The following ABTB3 variants were observed in gnomAD, a reference collection of about 807,000 sequenced individuals.
The protein encoded by ABTB3 is ankyrin repeat- and BTB/POZ domain-containing protein 3.
At chr12:107,425,739 G>T in the ABTB3 span, among the ~76,000 whole-genome samples, 1 of 152,104 alleles carries the variant, frequency 6.6e-6, no homozygotes, top group Non-Finnish European at 1.5e-5. Flanking sequence ...TTATTTCCAT[G>T]CCTGTGAACC....
At chr12:107,498,973 T>G in the ABTB3 span, among the ~76,000 whole-genome samples, 1 of 152,214 alleles carries the variant, frequency 6.6e-6, no homozygotes, top group African/African-American at 2.4e-5. Context: ...GAAATTGAGT[T>G]AAACCAAGTC....
At chr12:107,385,772 C>T in the ABTB3 span, among the ~76,000 whole-genome samples, 1 of 152,180 alleles carries the variant, frequency 6.6e-6, no homozygotes, top group African/African-American at 2.4e-5. Flanking sequence ...TCAAGTTGGG[C>T]AGTCTTATGA....
At chr12:107,647,635 G>A in the ABTB3 span, among the ~76,000 whole-genome samples, 213 of 152,354 alleles carry the variant, frequency 1.4e-3, 1 homozygote, top group African/African-American at 4.7e-3. Context: ...AGAACAAGGC[G>A]GCATGTAGCA....
chr12:107,484,259 T>C, the ABTB3 span, among the ~76,000 whole-genome samples: 1 of 152,214 alleles, frequency 6.6e-6, no homozygotes, highest in Admixed American at 6.5e-5. Flanking sequence ...GGGCCAAAGC[T>C]GCAGCTTCAA....
At chr12:107,504,953 A>AT in the ABTB3 span, among the ~76,000 whole-genome samples, 4 of 152,114 alleles carry the variant, frequency 2.6e-5, no homozygotes, top group African/African-American at 9.7e-5. Flanking sequence ...AGTAATCTTT[A>AT]TTTTTTACCA....
the ABTB3 span, among the ~76,000 whole-genome samples, chr12:107,461,193 C>A: frequency 1.3e-5 from 2 of 152,094 alleles, no homozygotes; most frequent in South Asian, 4.1e-4. Context: ...GGCGAACCCA[C>A]CCCCATGATA....
chr12:107,535,355 C>T, the ABTB3 span, among the ~76,000 whole-genome samples: 2 of 152,024 alleles, frequency 1.3e-5, no homozygotes, highest in African/African-American at 2.4e-5. Context: ...AAGCCTTTGC[C>T]CTAAGAAATG....
chr12:107,572,858 AC>A, the ABTB3 span, among the ~76,000 whole-genome samples: 3 of 152,104 alleles, frequency 2.0e-5, no homozygotes, highest in Admixed American at 1.3e-4. Flanking sequence ...CTCTGCCTAG[AC>A]CTGCCTGTCC....
chr12:107,501,381 C>T, the ABTB3 span, among the ~76,000 whole-genome samples: 1 of 97,382 alleles, frequency 1.0e-5, no homozygotes, highest in Non-Finnish European at 2.1e-5. Flanking sequence ...TAGAGATGCT[C>T]CCAGTAAAAA....
the ABTB3 span, among the ~76,000 whole-genome samples, chr12:107,424,956 C>G: frequency 6.6e-6 from 1 of 152,208 alleles, no homozygotes; most frequent in Non-Finnish European, 1.5e-5. Context: ...GGCCCTGTCC[C>G]TCCTAGTAGC....
At chr12:107,591,953 C>T in the ABTB3 span, among the ~76,000 whole-genome samples, 4 of 152,290 alleles carry the variant, frequency 2.6e-5, no homozygotes, top group South Asian at 4.1e-4. Context: ...CCAAAGCCTA[C>T]GTTCTCTCTA....
chr12:107,360,935 T>C, the ABTB3 span, among the ~76,000 whole-genome samples: 1 of 133,204 alleles, frequency 7.5e-6, no homozygotes, highest in Non-Finnish European at 1.6e-5. Flanking sequence ...ATTTAATTTT[T>C]TTTTTTTTTT....
At chr12:107,637,822 GTGTGTGTGTGTGGTA>G in the ABTB3 span, among the ~76,000 whole-genome samples, 2 of 143,754 alleles carry the variant, frequency 1.4e-5, no homozygotes, top group African/African-American at 5.4e-5. Context: ...GTGTGTGTGT[GTGTGTGTGTGTGGTA>G]TGGTGTCCTG....
chr12:107,585,927 A>G, the ABTB3 span, among the ~76,000 whole-genome samples: 1 of 152,176 alleles, frequency 6.6e-6, no homozygotes, highest in African/African-American at 2.4e-5. Context: ...TGAGATCTGT[A>G]TGGTACCTGA....
chr12:107,561,705 T>C, the ABTB3 span, among the ~76,000 whole-genome samples: 1 of 152,190 alleles, frequency 6.6e-6, no homozygotes, highest in African/African-American at 2.4e-5. Context: ...ACCAGTTAAG[T>C]GCTCAGTCTG....
At chr12:107,379,724 T>C in the ABTB3 span, among the ~76,000 whole-genome samples, 66 of 152,314 alleles carry the variant, frequency 4.3e-4, 1 homozygote, top group Admixed American at 2.9e-3. Context: ...CAAAGCCTAG[T>C]GCTGGGACAG....
the ABTB3 span, among the ~76,000 whole-genome samples, chr12:107,382,823 G>A: frequency 6.6e-6 from 1 of 152,080 alleles, no homozygotes; most frequent in Non-Finnish European, 1.5e-5. Flanking sequence ...GATGGGTTGA[G>A]GGGTGCAACA....
At chr12:107,503,020 A>G in the ABTB3 span, among the ~76,000 whole-genome samples, 1 of 152,184 alleles carries the variant, frequency 6.6e-6, no homozygotes, top group Non-Finnish European at 1.5e-5. Context: ...TTTGTTACTT[A>G]CAGTTCCCAA....
At chr12:107,455,122 G>A in the ABTB3 span, among the ~76,000 whole-genome samples, 1 of 152,182 alleles carries the variant, frequency 6.6e-6, no homozygotes, top group Non-Finnish European at 1.5e-5. Context: ...AGGACAGTGG[G>A]GTCAGAGAGC....
Sources: allele counts gnomAD v4.1 joint callset (sites outside exome capture counted in the v4.1 genomes callset), GRCh38; gene constraint gnomAD v4.1.1; transcripts MANE v1.5; gene names NCBI Gene and HGNC (gene_info 2026-07-23, HGNC 2026-07-21).